The following CNTNAP4 variants were observed in gnomAD, a reference collection of about 807,000 sequenced individuals.
CNTNAP4 encodes the protein contactin-associated protein-like 4.
A neutral mutation model predicts 148.4 loss-of-function variants in CNTNAP4; 98 were observed. That is an observed-to-expected ratio of 0.66 (90% CI 0.56 to 0.78). CNTNAP4 has a LOEUF of 0.78. Among genes scored for constraint, CNTNAP4 ranks in the 30% least tolerant of loss-of-function variants. The probability of loss-of-function intolerance (pLI) is 0.00; values close to 1 mark genes in which losing one functional copy is unlikely to be tolerated. For missense variants in CNTNAP4, 1,935 were observed against 1,565.6 expected (o/e 1.24, Z -3.98); for synonymous variants, 730 against 565.1 (o/e 1.29, Z -4.14).
At chr16:76,405,688 T>G (rs1355706496) in intron 3 of CNTNAP4, among the ~76,000 whole-genome samples, 1 of 152,148 alleles carries the variant, frequency 6.6e-6, no homozygotes, top group Non-Finnish European at 1.5e-5. Context: ...GAGGGGTTGG[T>G]CTTGCTGTTC....
chr16:76,440,839 TG>T (rs747691937), intron 4 of CNTNAP4, among the ~76,000 whole-genome samples: 1 of 152,072 alleles, frequency 6.6e-6, no homozygotes, highest in South Asian at 2.1e-4. Flanking sequence ...GTAATTCACT[TG>T]GGGGTGAGGA....
chr16:76,458,092 C>T (rs1597607409), intron 8 of CNTNAP4, among the ~76,000 whole-genome samples: 1 of 152,242 alleles, frequency 6.6e-6, no homozygotes, highest in Middle Eastern at 3.4e-3. Flanking sequence ...ATAATAGTCT[C>T]CAGCTGCATC....
At chr16:76,474,363 G>C (rs562288556) in intron 10 of CNTNAP4, among the ~76,000 whole-genome samples, 1 of 152,100 alleles carries the variant, frequency 6.6e-6, no homozygotes, top group Non-Finnish European at 1.5e-5. Context: ...TAAAGTAAAC[G>C]CTCTAAGATA....
chr16:76,541,160 A>G (rs1396037652), intron 21 of CNTNAP4, among the ~76,000 whole-genome samples: 1 of 152,236 alleles, frequency 6.6e-6, no homozygotes, highest in Admixed American at 6.5e-5. Context: ...TAAAACTAAG[A>G]TTAGATTTAA....
chr16:76,390,205 G>A lies in CNTNAP4; in HGVS notation c.390+34694G>A, dbSNP rs368001230. ...GTAAACTTGTGCACTACTGGATGCT[G>A]GACTTCAGCAAGATGTTTCTGAAAA... On this transcript the variant is annotated intron_variant, in intron 3 of 23. Transcript: ENST00000611870. 4.2e-4 allele frequency among the ~76,000 whole-genome samples: 64 copies of A among 152,290 alleles called. 1 individual carries two copies. The highest frequency in any genetic ancestry group is 2.4e-3 in the Admixed American group (37 of 15,308).
rs16944312 is a variant in CNTNAP4, at chr16:76,371,051, A to G, written c.390+15540A>G. ...ATTGGTTTAGGGTCATTTTTGCCACATAATCGACACTGAGTAAGTAGAGTG... is the reference window on the plus strand; with the variant it reads ...ATTGGTTTAGGGTCATTTTTGCCACGTAATCGACACTGAGTAAGTAGAGTG... On this transcript the variant is annotated intron_variant, in intron 3 of 23. Coordinates refer to ENST00000611870, the MANE Select transcript of CNTNAP4 (RefSeq NM_033401.5). Among the ~76,000 whole-genome samples, 1,209 of 152,298 alleles carry G rather than the reference A, an allele frequency of 7.9e-3. 20 individuals are homozygous for G. Among genetic ancestry groups the G allele is most frequent in the African/African-American group, 0.028 (1,149 of 41,554 alleles).
intron 15 of CNTNAP4, among the ~76,000 whole-genome samples, chr16:76,512,194 C>G (rs527676071): frequency 6.6e-6 from 1 of 152,138 alleles, no homozygotes; most frequent in African/African-American, 2.4e-5. Context: ...GTGGTCAGAT[C>G]AGGAAAGATT....
chr16:76,441,034 T>G (rs548134125), intron 4 of CNTNAP4, among the ~76,000 whole-genome samples: 59 of 151,978 alleles, frequency 3.9e-4, no homozygotes, highest in Non-Finnish European at 5.4e-4. Flanking sequence ...AGGTAAAGCG[T>G]TTTTACAATT....
chr16:76,307,503 CATATATATATATATATATAT>C (rs6145898), intron 1 of CNTNAP4, among the ~76,000 whole-genome samples: 38 of 91,724 alleles, frequency 4.1e-4, no homozygotes, highest in East Asian at 1.8e-3. Flanking sequence ...ATTTTAAATG[CATATATATATATATATATAT>C]ATATATATAT....
intron 10 of CNTNAP4, chr16:76,469,429 C>T (rs1009873163): frequency 2.0e-5 from 3 of 152,230 alleles, no homozygotes; most frequent in Non-Finnish European, 2.9e-5. Flanking sequence ...CAATAGGAGA[C>T]TTGCTTACAG....
At chr16:76,473,007 G>A (rs1054405369) in intron 10 of CNTNAP4, among the ~76,000 whole-genome samples, 19 of 152,226 alleles carry the variant, frequency 1.2e-4, no homozygotes, top group Admixed American at 5.9e-4. Flanking sequence ...GGGGGGCAGA[G>A]GGGGGAAGCC....
chr16:76,530,039 T>G (rs2083907856), intron 17 of CNTNAP4, among the ~76,000 whole-genome samples: 1 of 152,110 alleles, frequency 6.6e-6, no homozygotes, highest in African/African-American at 2.4e-5. Context: ...GAGATTGTCT[T>G]ATTTTTTTTA....
chr16:76,495,146 G>C (rs2082358943), intron 14 of CNTNAP4, 80 bp downstream of exon 14: 2 of 1,446,480 alleles, frequency 1.4e-6, no homozygotes, highest in East Asian at 4.6e-5. Context: ...TAGCTAGCCA[G>C]ATACTGAACA....
At position 76,535,562 on chromosome 16, in the gene CNTNAP4, C is replaced by G. The variant is rs780391869; in HGVS notation, c.2773C>G (p.Gln925Glu). The change falls in exon 18 of 24, where the codon CAG (glutamine) becomes GAG (glutamate). Residue 925 changes from glutamine to glutamate, a missense_variant. Gln to Glu is a conservative substitution (Grantham distance 29). Coordinates refer to ENST00000611870, the MANE Select transcript of CNTNAP4 (RefSeq NM_033401.5). Reference sequence around the variant, plus strand: ...CCTTTTAGGTGGAACGGCCACCAGACAGAGAGGCTTTCTGGGCTGCATTCG... The same window carrying G: ...CCTTTTAGGTGGAACGGCCACCAGAGAGAGAGGCTTTCTGGGCTGCATTCG... ...QLFVGGTATRQRGFLGCIRSL... is the reference protein window; with the variant it reads ...QLFVGGTATRERGFLGCIRSL... 1 of 1,612,070 alleles carries G rather than the reference C, an allele frequency of 6.2e-7. No homozygotes were observed. The highest frequency in any genetic ancestry group is 1.3e-5 in the African/African-American group (1 of 74,858).
intron 2 of CNTNAP4, among the ~76,000 whole-genome samples, chr16:76,339,519 G>C (rs560464855): frequency 1.9e-4 from 29 of 151,914 alleles, no homozygotes; most frequent in Admixed American, 5.3e-4. Context: ...AGACACTCTA[G>C]AGAAGATTGA....
At chr16:76,555,194 T>C (rs2085142782) in intron 23 of CNTNAP4, among the ~76,000 whole-genome samples, 2 of 152,170 alleles carry the variant, frequency 1.3e-5, no homozygotes, top group African/African-American at 4.8e-5. Flanking sequence ...TTCAAGTAGT[T>C]AGGATTTTAT....
At chr16:76,347,719 A>G (rs1225115032) in intron 2 of CNTNAP4, among the ~76,000 whole-genome samples, 2 of 152,184 alleles carry the variant, frequency 1.3e-5, no homozygotes, top group Non-Finnish European at 2.9e-5. Flanking sequence ...AGAGCTTAAT[A>G]CAGCTTCTGA....
intron 1 of CNTNAP4, among the ~76,000 whole-genome samples, chr16:76,307,102 A>G (rs1960557573): frequency 6.6e-6 from 1 of 152,208 alleles, no homozygotes; most frequent in South Asian, 2.1e-4. Flanking sequence ...GAATAACACA[A>G]AAAGCATGAG....
intron 2 of CNTNAP4, among the ~76,000 whole-genome samples, chr16:76,322,142 T>C (rs1404608803): frequency 6.6e-6 from 1 of 152,210 alleles, no homozygotes; most frequent in African/African-American, 2.4e-5. Context: ...AGAGTATGCC[T>C]TTGGCAACTG....
Sources: allele counts gnomAD v4.1 joint callset (sites outside exome capture counted in the v4.1 genomes callset), GRCh38; gene constraint gnomAD v4.1.1; transcripts MANE v1.5; gene names NCBI Gene and HGNC (gene_info 2026-07-23, HGNC 2026-07-21).